NTM: variants seen among roughly 807,000 people sequenced by gnomAD.
NTM encodes the protein neurotrimin, also known as IgLON family member 2.
A neutral mutation model predicts 42.1 loss-of-function variants in NTM; 13 were observed. The ratio of observed to expected loss-of-function variants is 0.31; its 90% CI spans 0.20 to 0.49. The LOEUF is 0.49. Ranked by LOEUF, NTM falls within the 20% of genes least tolerant of loss-of-function variation. NTM has a pLI of 0.99. For missense variants in NTM, 373 were observed against 452.8 expected (o/e 0.82, Z 1.60); for synonymous variants, 187 against 179.2 (o/e 1.04, Z -0.35).
chr11:132,093,162 T>A (rs2060563891), intron 2 of NTM, among the ~76,000 whole-genome samples: 1 of 152,170 alleles, frequency 6.6e-6, no homozygotes, highest in Non-Finnish European at 1.5e-5. Context: ...CATGTTTCAT[T>A]TCTACCCTCG....
At chr11:131,765,275 A>G (rs1357088114) in intron 1 of NTM, among the ~76,000 whole-genome samples, 1 of 152,162 alleles carries the variant, frequency 6.6e-6, no homozygotes, top group Non-Finnish European at 1.5e-5. Context: ...TTGCTCTGAA[A>G]GTAAAACCAA....
At chr11:131,859,076 A>T (rs1225799354) in intron 1 of NTM, among the ~76,000 whole-genome samples, 1 of 151,962 alleles carries the variant, frequency 6.6e-6, no homozygotes, top group Non-Finnish European at 1.5e-5. Context: ...CCCCTTCAAC[A>T]TCCATCCATC....
chr11:131,577,279 T>G (rs2058022913), intron 1 of NTM, among the ~76,000 whole-genome samples: 1 of 152,204 alleles, frequency 6.6e-6, no homozygotes, highest in Admixed American at 6.5e-5. Context: ...TCTGAGCAGA[T>G]AGCTTGAAAA....
chr11:131,720,022 C>T (rs1420013713), intron 1 of NTM, among the ~76,000 whole-genome samples: 2 of 152,124 alleles, frequency 1.3e-5, no homozygotes, highest in Non-Finnish European at 2.9e-5. Flanking sequence ...TATAGGCCCA[C>T]CACCCTACAG....
chr11:131,444,078 G>A (rs1949828366), intron 1 of NTM, among the ~76,000 whole-genome samples: 1 of 151,890 alleles, frequency 6.6e-6, no homozygotes, highest in Non-Finnish European at 1.5e-5. Flanking sequence ...CCGTTACAAA[G>A]TAATAGAAAA....
chr11:131,982,956 G>A (rs1170523774), intron 2 of NTM, among the ~76,000 whole-genome samples: 1 of 152,208 alleles, frequency 6.6e-6, no homozygotes, highest in Admixed American at 6.5e-5. Context: ...CAGCAGTTGG[G>A]GAGAGGAGGG....
At chr11:131,844,321 G>A (rs1049907268) in intron 1 of NTM, among the ~76,000 whole-genome samples, 5 of 151,934 alleles carry the variant, frequency 3.3e-5, no homozygotes, top group South Asian at 2.1e-4. Context: ...GACTTTTATC[G>A]GCTTCTGTTG....
chr11:131,499,405 C>A (rs970129160), intron 1 of NTM, among the ~76,000 whole-genome samples: 6 of 152,166 alleles, frequency 3.9e-5, no homozygotes, highest in Admixed American at 1.3e-4. Context: ...ATCCGCCCCC[C>A]ACTCCCCGTC....
intron 1 of NTM, among the ~76,000 whole-genome samples, chr11:131,558,889 A>G (rs2055827602): frequency 6.6e-6 from 1 of 152,296 alleles, no homozygotes; most frequent in Non-Finnish European, 1.5e-5. Context: ...GTACCATTCT[A>G]CAGAGTGTGA....
chr11:131,737,948 C>A (rs1019851077), intron 1 of NTM, among the ~76,000 whole-genome samples: 2 of 152,096 alleles, frequency 1.3e-5, no homozygotes, highest in African/African-American at 2.4e-5. Context: ...AATTTCTGGA[C>A]AAAAAGAAAT....
At chr11:131,906,161 T>C (rs1167647172) in intron 1 of NTM, among the ~76,000 whole-genome samples, 1 of 152,178 alleles carries the variant, frequency 6.6e-6, no homozygotes, top group Non-Finnish European at 1.5e-5. Flanking sequence ...TGCTTGCTGG[T>C]TGATTAACTA....
At chr11:132,290,043 G>T (rs368227563) in intron 4 of NTM, among the ~76,000 whole-genome samples, 13 of 152,132 alleles carry the variant, frequency 8.5e-5, no homozygotes, top group African/African-American at 3.1e-4. Flanking sequence ...GACATTTGCC[G>T]CTATATTGTT....
chr11:131,682,625 C>A (rs548861498), intron 1 of NTM, among the ~76,000 whole-genome samples: 57 of 152,370 alleles, frequency 3.7e-4, no homozygotes, highest in African/African-American at 1.3e-3. Flanking sequence ...CCGGTTCTCA[C>A]TTCCCCTGCA....
chr11:131,438,765 C>G (rs1019400884), intron 1 of NTM, among the ~76,000 whole-genome samples: 3 of 152,146 alleles, frequency 2.0e-5, no homozygotes, highest in African/African-American at 7.2e-5. Context: ...TATTACTGAC[C>G]TTCTGAAGGC....
intron 1 of NTM, among the ~76,000 whole-genome samples, chr11:131,550,414 G>A (rs775005341): frequency 2.0e-5 from 3 of 152,176 alleles, no homozygotes; most frequent in Non-Finnish European, 2.9e-5. Flanking sequence ...TCTGCTGAAA[G>A]GTAATTGGAT....
chr11:131,878,597 ATATATATATATATATATATATATAT>A (rs1565667029), intron 1 of NTM, among the ~76,000 whole-genome samples: 250 of 9,716 alleles, frequency 0.026, 61 homozygotes, highest in African/African-American at 0.073. Context: ...AAAAAAAAAT[ATATATATATATATATATATATATAT>A]ATATATATAT....
chr11:131,547,804 G>T (rs1348391217), intron 1 of NTM, among the ~76,000 whole-genome samples: 3 of 152,150 alleles, frequency 2.0e-5, no homozygotes, highest in African/African-American at 7.2e-5. Context: ...AACAGACTTG[G>T]ATCCTGCACA....
chr11:131,894,268 A>C (rs1191557406), intron 1 of NTM, among the ~76,000 whole-genome samples: 1 of 152,230 alleles, frequency 6.6e-6, no homozygotes, highest in Non-Finnish European at 1.5e-5. Flanking sequence ...CCATGTGTTC[A>C]GGCTTGGTCT....
intron 1 of NTM, among the ~76,000 whole-genome samples, chr11:131,865,779 C>G (rs549082730): frequency 6.8e-6 from 1 of 146,756 alleles, no homozygotes; most frequent in Non-Finnish European, 1.5e-5. Context: ...TACATACACA[C>G]ATGCTACACA....
Sources: gnomAD v4.1 joint callset for allele counts (sites outside exome capture counted in the v4.1 genomes callset) on GRCh38, gnomAD v4.1.1 for gene constraint, MANE v1.5 for transcripts, NCBI Gene and HGNC (gene_info 2026-07-23, HGNC 2026-07-21) for gene names.